CIC: variants seen among roughly 807,000 people sequenced by gnomAD.
CIC encodes capicua transcriptional repressor.
CIC carries 18 observed loss-of-function variants against 115.7 expected under a neutral mutation model. The ratio of observed to expected loss-of-function variants is 0.16; its 90% CI spans 0.11 to 0.23. CIC has a LOEUF of 0.23. CIC is among the 10% of genes least tolerant of loss of function. CIC has a pLI of 1.00. For missense variants in CIC, 2,000 were observed against 2,159.3 expected (o/e 0.93, Z 1.46); for synonymous variants, 1,076 against 923.0 (o/e 1.17, Z -3.01).
intron 2 of CIC, among the ~76,000 whole-genome samples, chr19:42,281,762 G>T (rs2037266631): frequency 6.6e-6 from 1 of 152,234 alleles, no homozygotes; most frequent in Admixed American, 6.5e-5. Context: ...CCCCCACTTG[G>T]TTGTACCCTG....
rs766589194 is a variant in CIC at position 42,294,817 on chromosome 19, T to C, written c.7187-7T>C. 4 of 1,603,932 alleles carry C rather than the reference T, an allele frequency of 2.5e-6. No homozygotes were observed. Among genetic ancestry groups the C allele is most frequent in the East Asian group, 2.2e-5 (1 of 44,876 alleles). ...TCCTGTGCTCCCCACCGTTTTTCTA[T>C]CTCCAGCCCAGGCCACAGCCGCCTT... On this transcript the variant is annotated splice_region_variant and splice_polypyrimidine_tract_variant and intron_variant, in intron 20 of 20. Coordinates refer to ENST00000681038, the MANE Select transcript of CIC (RefSeq NM_001386298.1).
chr19:42,292,135 C>T lies in CIC; in HGVS notation c.5663C>T (p.Pro1888Leu), dbSNP rs781644205. 3.7e-6 allele frequency: 6 copies of T among 1,613,866 alleles called. No individual in the cohort carries two copies. The highest frequency in any genetic ancestry group is 2.7e-5 in the African/African-American group (2 of 74,980). The part of the protein sequence containing the change: ...VPVSTPSGLV[P>L]PLSPATLPGP... ...GTGAGCACACCCAGCGGCCTGGTGC[C>T]GCCCCTGAGCCCAGCCACACTCCCT... The change falls in exon 13 of 21, where the codon CCG (proline) becomes CTG (leucine). Residue 1888 changes from proline to leucine, a missense_variant. Physicochemically the swap from Pro to Leu is moderately conservative, Grantham distance 98. Coordinates refer to ENST00000681038, the MANE Select transcript of CIC (RefSeq NM_001386298.1).
intron 2 of CIC, among the ~76,000 whole-genome samples, chr19:42,283,162 T>C (rs1290865930): frequency 6.6e-6 from 1 of 151,870 alleles, no homozygotes; most frequent in Non-Finnish European, 1.5e-5. Context: ...AGGAGGCGCT[T>C]TGTGAGTGCT....
At position 42,287,365 on chromosome 19, in the gene CIC, C is replaced by G; in HGVS notation, c.3225C>G (p.Pro1075=). Residue 1075 remains proline, a synonymous_variant, in exon 5 of 21, where the codon CCC becomes CCG. Coordinates refer to ENST00000681038, the MANE Select transcript of CIC (RefSeq NM_001386298.1). The surrounding 1 kb of genome is among the most constrained non-coding windows in gnomAD (Gnocchi z 8.7). The part of the protein sequence containing the change: ...MSPEIQLPLP[P]GKRRTQSLSA... ...CTGAGATCCAGTTGCCTCTACCGCCCGGAAAACGTCGGACCCAGTCCCTCA... is the reference window on the plus strand; with the variant it reads ...CTGAGATCCAGTTGCCTCTACCGCCGGGAAAACGTCGGACCCAGTCCCTCA... 1 of 1,614,114 alleles carries G rather than the reference C, an allele frequency of 6.2e-7. No individual in the cohort carries two copies. The highest frequency in any genetic ancestry group is 1.1e-5 in the South Asian group (1 of 91,080).
At chr19:42,271,680 C>CTCCGTCT (rs1248303406) in intron 1 of CIC, 94 bp from the exon 2 acceptor site, 2 of 397,756 alleles carry the variant, frequency 5.0e-6, no homozygotes, top group African/African-American at 4.1e-5. Flanking sequence ...GGGATGGAGA[C>CTCCGTCT]AGTAGACTCA....
At chr19:42,281,547 T>G (rs1003175615) in intron 2 of CIC, among the ~76,000 whole-genome samples, 1 of 152,168 alleles carries the variant, frequency 6.6e-6, no homozygotes, top group African/African-American at 2.4e-5. Flanking sequence ...TTTTTCCAAC[T>G]AGGGAGGCCC....
At chr19:42,269,522 G>C (rs979437324) in intron 1 of CIC, 141 bp downstream of exon 1, 3 of 128,034 alleles carry the variant, frequency 2.3e-5, no homozygotes, top group Non-Finnish European at 4.9e-5. Flanking sequence ...GGGAGTGGAG[G>C]AAGTGGTGGG....
rs1486120617 is a variant in CIC at position 42,290,649 on chromosome 19, C to T, written c.4608C>T (p.Ile1536=). The T allele has an allele frequency of 4.3e-6, 7 of 1,613,452 alleles. No homozygotes were observed. The highest frequency in any genetic ancestry group is 1.1e-5 in the South Asian group (1 of 91,094). Residue 1536 remains isoleucine (I), a synonymous_variant, in exon 11 of 21, where the codon ATC becomes ATT. Coordinates refer to ENST00000681038, the MANE Select transcript of CIC (RefSeq NM_001386298.1). ...CCCCTCCCAGCGGAGGAGGAAACAT[C>T]CTGCAGACACTGGTGCTGCCCCCAA... The part of the protein sequence containing the change: ...IAAPPSGGGN[I]LQTLVLPPNK...
chr19:42,274,162 G>A lies in CIC; in HGVS notation c.2379G>A (p.Ser793=), dbSNP rs1414954970. 1.5e-5 allele frequency: 6 copies of A among 399,210 alleles called. No homozygotes were observed. Among genetic ancestry groups the A allele is most frequent in the East Asian group, 7.1e-5 (2 of 28,076 alleles). 24.7% of individuals were successfully genotyped at this position (399,210 alleles called of 1,614,324 possible). The part of the protein sequence containing the change: ...LLLPPPAGLT[S]DPGPSVRRVP... ...TGCCACCCCCTGCCGGCCTGACCTC[G>A]GATCCAGGGCCCTCTGTGCGCAGGG... The change falls in exon 2 of 21, where the codon TCG becomes TCA. Residue 793 remains serine (S), a synonymous_variant. Transcript: ENST00000681038.
rs1480009243 is a variant in CIC, at chr19:42,290,507, G to A, written c.4466G>A (p.Gly1489Asp). 1 of 1,613,472 alleles carries A rather than the reference G, an allele frequency of 6.2e-7. No homozygotes were observed. Among genetic ancestry groups the A allele is most frequent in the Non-Finnish European group, 8.5e-7 (1 of 1,179,914 alleles). ...PLRPPPPGAG[G>D]PATPSKATRF... is the part of the protein sequence containing the mutation. ...CGGCCCCCACCCCCTGGGGCTGGGG[G>A]TCCAGCGACACCTTCCAAGGCAACC... Residue 1489 changes from glycine (G) to aspartate (D), a missense_variant, in exon 11 of 21, where the codon GGT becomes GAT. Transcript: ENST00000681038.
In CIC at chr19:42,295,028, G is replaced by C. The variant is rs1157878620; in HGVS notation, c.7391G>C (p.Gly2464Ala). 1 of 1,578,232 alleles carries C rather than the reference G, an allele frequency of 6.3e-7. No individual in the cohort carries two copies. Among genetic ancestry groups the C allele is most frequent in the Non-Finnish European group, 8.6e-7 (1 of 1,169,568 alleles). The change falls in exon 21 of 21, where the codon GGG becomes GCG. Residue 2464 changes from glycine (G) to alanine (A), a missense_variant. Transcript: ENST00000681038. ...CCTGCCCCCACTCCCAGCCCCGCAG[G>C]GGGCCCTGACCCCACCTCACCCAGC... ...AAPAPTPSPA[G>A]GPDPTSPSSD...
rs1039386484 is a variant in CIC, at chr19:42,274,381, C to T, written c.2598C>T (p.Pro866=). Residue 866 remains proline, a synonymous_variant, in exon 2 of 21, where the codon CCC becomes CCT. Transcript: ENST00000681038. ...KPGLPPPLPA[P]VPITVPPAAP... ...GCCTGCCCCCACCTCTGCCAGCCCC[C>T]GTGCCCATCACCGTGCCTCCAGCTG... 3.0e-5 allele frequency: 12 copies of T among 398,872 alleles called. No homozygotes were observed. Among genetic ancestry groups the T allele is most frequent in the East Asian group, 7.1e-5 (2 of 28,104 alleles). The allele number at this position is 398,872 out of a possible 1,614,324, so 24.7% of individuals were successfully genotyped here. A position where few individuals can be genotyped will look rare whatever the true frequency, so the allele number is the denominator to read the frequency against.
Position 42,294,294 on chromosome 19 carries a change from T to G in CIC, c.7044T>G (p.Phe2348Leu), listed in dbSNP as rs776959764. The G allele has an allele frequency of 6.2e-7, 1 of 1,613,316 alleles. No homozygotes were observed. The highest frequency in any genetic ancestry group is 2.2e-5 in the East Asian group (1 of 44,876). Residue 2348 changes from phenylalanine (F) to leucine (L), a missense_variant, in exon 19 of 21, where the codon TTT becomes TTG. Phe to Leu is a conservative substitution (Grantham distance 22). This residue lies in a region of CIC where 99 missense variants were observed against 217.6 expected (regional missense o/e 0.45). Transcript: ENST00000681038. ...SAKCEGDIFT[F>L]DRTGTEAEDV... ...AGTGCGAGGGGGACATCTTCACCTT[T>G]GACCGTACAGGTGCCGTGGTGGGCA... is the stretch of plus-strand genomic sequence containing the variant.
At position 42,287,769 on chromosome 19, in the gene CIC, G is replaced by A. The variant is rs567197549; in HGVS notation, c.3493-41G>A. ...TTGGCTCCTCCCAGCTTCTTCTGGTGGGGTGGGTGAGTGAAGGGTTGCCCT... is the reference window on the plus strand; with the variant it reads ...TTGGCTCCTCCCAGCTTCTTCTGGTAGGGTGGGTGAGTGAAGGGTTGCCCT... On this transcript the variant is annotated intron_variant, in intron 6 of 20. Coordinates refer to ENST00000681038, the MANE Select transcript of CIC (RefSeq NM_001386298.1). This position sits in a 1 kb window ranked among gnomAD's most constrained non-coding sequence, Gnocchi z 8.7. 6.2e-7 allele frequency: 1 copy of A among 1,614,124 alleles called. No homozygotes were observed. The highest frequency in any genetic ancestry group is 8.5e-7 in the Non-Finnish European group (1 of 1,179,994).
At chr19:42,271,210 T>C (rs2036779030) in intron 1 of CIC, among the ~76,000 whole-genome samples, 1 of 152,194 alleles carries the variant, frequency 6.6e-6, no homozygotes, top group African/African-American at 2.4e-5. Flanking sequence ...AAATGTGCCC[T>C]CTGGATCATG....
chr19:42,291,799 AT>A (rs1354110424), intron 12 of CIC, 54 bp downstream of exon 12: 2 of 1,598,730 alleles, frequency 1.3e-6, no homozygotes, highest in Middle Eastern at 1.7e-4. Context: ...GTACCCCATC[AT>A]TTCTTTGTCT....
rs1235228498 is a variant in CIC at position 42,280,457 on chromosome 19, C to T, written c.2794+5880C>T. On this transcript the variant is annotated intron_variant, in intron 2 of 20. Coordinates refer to ENST00000681038, the MANE Select transcript of CIC (RefSeq NM_001386298.1). The surrounding 1 kb of genome is among the most constrained non-coding windows in gnomAD (Gnocchi z 4.9). ...GTTCCCGCGCGCCCCTGGGTGCAGA[C>T]CTCCTGTGTCGGGCCTCCGTCCTTC... 6.6e-6 allele frequency among the ~76,000 whole-genome samples: 1 copy of T among 152,156 alleles called. No homozygotes were observed. The highest frequency in any genetic ancestry group is 1.9e-4 in the East Asian group (1 of 5,184).
intron 1 of CIC, among the ~76,000 whole-genome samples, chr19:42,269,793 C>T (rs57759523): frequency 2.6e-5 from 4 of 151,676 alleles, no homozygotes; most frequent in East Asian, 1.9e-4. Flanking sequence ...GCATTTTAAC[C>T]GAGAGGTAGA....
chr19:42,271,588 A>G (rs1357757464), intron 1 of CIC, among the ~76,000 whole-genome samples, 186 bp from the exon 2 acceptor site: 2 of 152,026 alleles, frequency 1.3e-5, no homozygotes, highest in Admixed American at 6.5e-5. Context: ...TACTCAGGGG[A>G]CTCAGGTGCT....
Sources: allele counts gnomAD v4.1 joint callset (sites outside exome capture counted in the v4.1 genomes callset), GRCh38; gene constraint gnomAD v4.1.1; regional missense constraint gnomAD v4.1.1; non-coding constraint Gnocchi (gnomAD v3.1); transcripts MANE v1.5; gene names NCBI Gene and HGNC (gene_info 2026-07-23, HGNC 2026-07-21).